Variants in PCDH11X observed in about 807,000 individuals in gnomAD.
PCDH11X encodes protocadherin 11 X-linked, also known as protocadherin-11 X-linked.
Under a neutral mutation model 53.3 loss-of-function variants are expected in PCDH11X, and 18 were observed. The observed-to-expected ratio is 0.34, with a 90% confidence interval of 0.23 to 0.50. PCDH11X has a LOEUF of 0.50. Ranked by LOEUF, PCDH11X falls within the 20% of genes least tolerant of loss-of-function variation. PCDH11X has a pLI of 0.98. For synonymous variants in PCDH11X, 279 were observed against 393.3 expected, an observed-to-expected ratio of 0.71 and a Z score of 3.44; for missense variants, 570 against 1,032.4, an observed-to-expected ratio of 0.55 and a Z score of 6.14.
chrX:92,260,855 A>G (rs991387801), intron 7 of PCDH11X, among the ~76,000 whole-genome samples: 1 of 112,060 alleles, frequency 8.9e-6, no homozygotes, highest in Non-Finnish European at 1.9e-5. Flanking sequence ...ATACGACACA[A>G]CATGACTAAT....
At chrX:92,256,292 T>A (rs2067583444) in intron 7 of PCDH11X, among the ~76,000 whole-genome samples, 1 of 111,679 alleles carries the variant, frequency 9.0e-6, no homozygotes, top group African/African-American at 3.3e-5. Context: ...TGCCTCACCC[T>A]GCTTCAGCTC....
chrX:91,886,399 T>C (rs981269643), intron 6 of PCDH11X, among the ~76,000 whole-genome samples: 9 of 110,981 alleles, frequency 8.1e-5, no homozygotes, highest in African/African-American at 3.0e-4. Context: ...GTGTACTGTA[T>C]ACTTTCTCCC....
intron 6 of PCDH11X, among the ~76,000 whole-genome samples, chrX:91,907,168 T>C (rs1941189324): frequency 9.0e-6 from 1 of 110,906 alleles, no homozygotes; most frequent in Admixed American, 9.8e-5. Flanking sequence ...ACCACACTAT[T>C]TACACTAGTA....
chrX:91,848,043 C>T (rs1201588141), intron 5 of PCDH11X, among the ~76,000 whole-genome samples: 3 of 111,492 alleles, frequency 2.7e-5, no homozygotes, highest in Non-Finnish European at 5.7e-5. Flanking sequence ...TTCTCCTTTT[C>T]TACACATATT....
intron 4 of PCDH11X, among the ~76,000 whole-genome samples, chrX:91,818,761 T>G: frequency 9.0e-6 from 1 of 110,614 alleles, no homozygotes; most frequent in Non-Finnish European, 1.9e-5. Context: ...GCTGCCTTAA[T>G]GTGAGATTAA....
At chrX:92,343,029 A>C (rs1409651469) in intron 8 of PCDH11X, among the ~76,000 whole-genome samples, 1 of 112,118 alleles carries the variant, frequency 8.9e-6, no homozygotes, top group Non-Finnish European at 1.9e-5. Flanking sequence ...TAATCAAATT[A>C]AGTGTTTTAT....
intron 6 of PCDH11X, among the ~76,000 whole-genome samples, chrX:91,973,688 C>T (rs1297383586): frequency 1.0e-5 from 1 of 99,767 alleles, no homozygotes; most frequent in Non-Finnish European, 2.0e-5. Context: ...GATCTCGGCT[C>T]ATTGCAACCT....
intron 4 of PCDH11X, among the ~76,000 whole-genome samples, chrX:91,834,078 A>G (rs1937208374): frequency 9.0e-6 from 1 of 111,580 alleles, no homozygotes; most frequent in Non-Finnish European, 1.9e-5. Context: ...TAATTATAAA[A>G]GTATGACATC....
intron 6 of PCDH11X, among the ~76,000 whole-genome samples, chrX:92,063,067 T>A (rs1248330726): frequency 9.1e-6 from 1 of 109,781 alleles, no homozygotes; most frequent in East Asian, 2.9e-4. Context: ...CTGGAAACCA[T>A]CATTCTCAGC....
rs2074515665 is a variant in PCDH11X at position 92,529,420 on chromosome X, C to T, written c.3367+61098C>T. Among the ~76,000 whole-genome samples the T allele has an allele frequency of 1.8e-5, 2 of 109,428 alleles. 1 individual carries two copies. Among genetic ancestry groups the T allele is most frequent in the Non-Finnish European group, 3.8e-5 (2 of 52,594 alleles). Reference sequence around the variant, plus strand: ...AATCCTAAAGCTTTCTAGATTTTTACTTCTCTATTATTTGTGTTCATAGAT... The same window carrying T: ...AATCCTAAAGCTTTCTAGATTTTTATTTCTCTATTATTTGTGTTCATAGAT... On this transcript the variant is annotated intron_variant, in intron 10 of 10. Coordinates refer to ENST00000682573, the MANE Select transcript of PCDH11X (RefSeq NM_032968.5).
intron 8 of PCDH11X, among the ~76,000 whole-genome samples, chrX:92,380,390 TG>T (rs1230445644): frequency 1.8e-5 from 2 of 111,682 alleles, no homozygotes; most frequent in African/African-American, 6.5e-5. Flanking sequence ...CCAAGCCGAG[TG>T]GGTGGAATAA....
rs998011656 is a variant in PCDH11X at position 91,883,925 on chromosome X, C to T, written c.3033+4652C>T. On this transcript the variant is annotated intron_variant, in intron 6 of 10. Coordinates refer to ENST00000682573, the MANE Select transcript of PCDH11X (RefSeq NM_032968.5). ...TTATTTTTGGCTGGGTGTGGTGGCT[C>T]ACACCTGTAATCCCAGCACTTTGGG... The T allele has an allele frequency of 9.4e-6, 7 of 745,642 alleles. No homozygotes were observed. In the East Asian group the frequency reaches 9.2e-4, roughly 98 times the overall value. 61.4% of individuals were successfully genotyped at this position (745,642 alleles called of 1,213,427 possible).
chrX:92,326,218 T>C (rs2069326796), intron 8 of PCDH11X, among the ~76,000 whole-genome samples: 1 of 109,362 alleles, frequency 9.1e-6, no homozygotes, highest in African/African-American at 3.3e-5. Flanking sequence ...TGTAGATTTC[T>C]GGCCTCTCCA....
chrX:92,475,019 G>A lies in PCDH11X; in HGVS notation c.3367+6697G>A, dbSNP rs772880034. Among the ~76,000 whole-genome samples, 26 of 103,229 alleles carry A rather than the reference G, an allele frequency of 2.5e-4. No homozygotes were observed. In the South Asian group the frequency reaches 5.7e-3, roughly 23 times the overall value. 89.6% of individuals were successfully genotyped at this position (103,229 alleles called of 115,157 possible). A position where few individuals can be genotyped will look rare whatever the true frequency, so the allele number is the denominator to read the frequency against. ...TCTCTACTAAAAATACAAAAAATTA[G>A]CCGGGCGTAGTGGCGGGCGCCTGTA... On this transcript the variant is annotated intron_variant, in intron 10 of 10. Transcript: ENST00000682573.
intron 10 of PCDH11X, among the ~76,000 whole-genome samples, chrX:92,611,373 C>A (rs1163868235): frequency 9.3e-6 from 1 of 107,729 alleles, no homozygotes; most frequent in African/African-American, 3.4e-5. Context: ...AAATAAAATT[C>A]TATTCTTGAT....
intron 6 of PCDH11X, among the ~76,000 whole-genome samples, chrX:92,180,262 C>A (rs764732705): frequency 9.0e-6 from 1 of 111,085 alleles, no homozygotes; most frequent in Admixed American, 9.6e-5. Flanking sequence ...GGGAGGTCAG[C>A]CCCCATGGTT....
intron 7 of PCDH11X, among the ~76,000 whole-genome samples, chrX:92,208,747 T>C (rs2066526633): frequency 9.4e-6 from 1 of 106,156 alleles, no homozygotes; most frequent in East Asian, 3.0e-4. Context: ...AAATGGTAAA[T>C]ATACTAGTCT....
intron 6 of PCDH11X, among the ~76,000 whole-genome samples, chrX:92,026,363 A>C (rs2062969491): frequency 9.3e-6 from 1 of 107,988 alleles, no homozygotes; most frequent in African/African-American, 3.4e-5. Flanking sequence ...TACTTGCAAT[A>C]GAAACCATAT....
At chrX:92,254,328 G>A (rs1262167980) in intron 7 of PCDH11X, among the ~76,000 whole-genome samples, 1 of 110,767 alleles carries the variant, frequency 9.0e-6, no homozygotes, top group Non-Finnish European at 1.9e-5. Context: ...TTGAGCCTAT[G>A]TGTGTCTCTG....
Sources: gnomAD v4.1 joint callset for allele counts (sites outside exome capture counted in the v4.1 genomes callset) on GRCh38, gnomAD v4.1.1 for gene constraint, MANE v1.5 for transcripts, NCBI Gene and HGNC (gene_info 2026-07-23, HGNC 2026-07-21) for gene names.